ATP6V1C2: variants seen among roughly 807,000 people sequenced by gnomAD.
The protein encoded by ATP6V1C2 is ATPase H+ transporting V1 subunit C2.
A neutral mutation model predicts 56.8 loss-of-function variants in ATP6V1C2; 45 were observed. That is an observed-to-expected ratio of 0.79 (90% confidence interval 0.62 to 1.02). The LOEUF is 1.02. ATP6V1C2 is among the 50% of genes least tolerant of loss of function. ATP6V1C2 has a pLI of 0.00. For missense variants in ATP6V1C2, 463 were observed against 519.7 expected (o/e 0.89, Z 1.06); for synonymous variants, 220 against 201.3 (o/e 1.09, Z -0.79).
At chr2:10,728,429 CATTTT>C (rs1661763443) in intron 3 of ATP6V1C2, among the ~76,000 whole-genome samples, 1 of 152,108 alleles carries the variant, frequency 6.6e-6, no homozygotes, top group African/African-American at 2.4e-5. Flanking sequence ...CTGCATCTTG[CATTTT>C]AGTTAAATAA....
chr2:10,729,409 T>G (rs940296845), intron 3 of ATP6V1C2, among the ~76,000 whole-genome samples: 2 of 152,044 alleles, frequency 1.3e-5, no homozygotes, highest in Non-Finnish European at 2.9e-5. Flanking sequence ...AGTGATTCAT[T>G]GGAAAGCATT....
chr2:10,777,330 A>AC lies in ATP6V1C2; in HGVS notation c.826-251dup, dbSNP rs1432711717. Among the ~76,000 whole-genome samples, 3 of 152,028 alleles carry AC rather than the reference A, an allele frequency of 2.0e-5. No homozygotes were observed. In the East Asian group the frequency reaches 5.8e-4, roughly 30 times the overall value. ...AGCAAGGGGAGGGAGCTCAGGGCTG[A>AC]CCCCTCTGCCAGAGATCGGCTCTGT... On this transcript the variant is annotated intron_variant, in intron 10 of 13. Transcript: ENST00000272238.
intron 3 of ATP6V1C2, among the ~76,000 whole-genome samples, chr2:10,734,216 A>G (rs1662131997): frequency 6.6e-6 from 1 of 151,832 alleles, no homozygotes. Flanking sequence ...GGCTGTTCCA[A>G]GCCTCTTCAC....
rs751055694 is a variant in ATP6V1C2 at position 10,723,865 on chromosome 2, CAT to C, written c.129+888_129+889del. The stretch of plus-strand genomic sequence containing the variant: ...AAAAAAAAAAAAAAAAAGAATGAGA[CAT>C]GTGCAATTTTTTTCCCCCCGAGTAG... On this transcript the variant is annotated intron_variant, in intron 2 of 13. Transcript: ENST00000272238. Among the ~76,000 whole-genome samples the C allele has an allele frequency of 3.2e-3, 419 of 130,768 alleles. 3 individuals are homozygous for C. Among genetic ancestry groups the C allele is most frequent in the Admixed American group, 5.3e-3 (63 of 11,974 alleles). The allele number at this position is 130,768 out of a possible 152,430, so 85.8% of individuals were successfully genotyped here.
intron 10 of ATP6V1C2, among the ~76,000 whole-genome samples, chr2:10,776,615 C>G (rs1665006231): frequency 6.6e-6 from 1 of 152,242 alleles, no homozygotes; most frequent in Non-Finnish European, 1.5e-5. Context: ...TTTTTCCCAG[C>G]TCGATTCAGT....
Position 10,771,825 on chromosome 2 carries a change from C to T in ATP6V1C2, c.471-14C>T, listed in dbSNP as rs749517825. On this transcript the variant is annotated splice_polypyrimidine_tract_variant and intron_variant, in intron 6 of 13. Transcript: ENST00000272238. ...CTCACATCTTTCACACCCTTTGTTC[C>T]ACCTGCCTTTTAGGGGGAACCTCTT... 2 of 1,607,116 alleles carry T rather than the reference C, an allele frequency of 1.2e-6. No individual in the cohort carries two copies. Among genetic ancestry groups the T allele is most frequent in the Non-Finnish European group, 1.7e-6 (2 of 1,173,654 alleles).
At position 10,778,724 on chromosome 2, in the gene ATP6V1C2, G is replaced by T. The variant is rs1356033915; in HGVS notation, c.1061+55G>T. ...TGTCCTGAGGATGGGCAGGGTCTGGGGGAGCTATCGGGGCACCCCAGCTCC... is the reference window on the plus strand; with the variant it reads ...TGTCCTGAGGATGGGCAGGGTCTGGTGGAGCTATCGGGGCACCCCAGCTCC... On this transcript the variant is annotated intron_variant, in intron 12 of 13. Coordinates refer to ENST00000272238, the MANE Select transcript of ATP6V1C2 (RefSeq NM_001039362.2). 2.6e-6 allele frequency: 4 copies of T among 1,550,112 alleles called. No homozygotes were observed. In the Admixed American group the frequency reaches 6.7e-5, roughly 26 times the overall value.
In ATP6V1C2 at chr2:10,785,094, A is replaced by G; in HGVS notation, c.*1831A>G. 1 of 1,111,456 alleles carries G rather than the reference A, an allele frequency of 9.0e-7. No homozygotes were observed. The highest frequency in any genetic ancestry group is 1.3e-6 in the Non-Finnish European group (1 of 747,924). 68.8% of individuals were successfully genotyped at this position (1,111,456 alleles called of 1,614,324 possible). On this transcript the variant is annotated 3_prime_UTR_variant, in exon 14 of 14. Transcript: ENST00000272238. ...AATGGACTGCTGGTGCAGAAGAATA[A>G]ACAACTTTAAAAATAACAGTCTGCC...
intron 4 of ATP6V1C2, among the ~76,000 whole-genome samples, chr2:10,756,858 TCTC>T (rs1305310312): frequency 2.0e-5 from 3 of 152,188 alleles, no homozygotes; most frequent in Middle Eastern, 3.4e-3. Context: ...GTGACAAAAA[TCTC>T]CTAATGACAC....
At chr2:10,772,491 C>T in intron 7 of ATP6V1C2, 51 bp from the exon 8 acceptor site, 2 of 1,501,080 alleles carry the variant, frequency 1.3e-6, no homozygotes, top group Non-Finnish European at 1.9e-6. Flanking sequence ...ACTCAGGACA[C>T]CCACGAGCCT....
intron 12 of ATP6V1C2, 91 bp downstream of exon 12, chr2:10,778,760 C>T (rs1665161091): frequency 8.4e-7 from 1 of 1,184,308 alleles, no homozygotes. Context: ...TGCCTTCTCT[C>T]CATCCTCCAC....
chr2:10,741,479 T>TG (rs940603101), intron 3 of ATP6V1C2, among the ~76,000 whole-genome samples: 1 of 151,834 alleles, frequency 6.6e-6, no homozygotes, highest in African/African-American at 2.4e-5. Context: ...CTCTCAGGTG[T>TG]GGGGGCCCCT....
intron 5 of ATP6V1C2, among the ~76,000 whole-genome samples, chr2:10,764,631 G>A (rs1476765768): frequency 3.3e-5 from 5 of 152,180 alleles, no homozygotes; most frequent in East Asian, 1.9e-4. Context: ...GCCTCCCCTC[G>A]AGGGCCCAGC....
At position 10,784,937 on chromosome 2, in the gene ATP6V1C2, G is replaced by A. The variant is rs774257550; in HGVS notation, c.*1674G>A. ...AGCTTCCCTCCCGGGCACTCACCTCGCCATCCCTGCCGTCCCAAGGCTCTC... is the reference window on the plus strand; with the variant it reads ...AGCTTCCCTCCCGGGCACTCACCTCACCATCCCTGCCGTCCCAAGGCTCTC... On this transcript the variant is annotated 3_prime_UTR_variant, in exon 14 of 14. Coordinates refer to ENST00000272238, the MANE Select transcript of ATP6V1C2 (RefSeq NM_001039362.2). 2.8e-5 allele frequency: 44 copies of A among 1,578,186 alleles called. No homozygotes were observed. The highest frequency in any genetic ancestry group is 3.0e-5 in the Non-Finnish European group (35 of 1,159,696).
At chr2:10,772,354 C>T (rs1664673389) in intron 7 of ATP6V1C2, among the ~76,000 whole-genome samples, 188 bp from the exon 8 acceptor site, 1 of 152,122 alleles carries the variant, frequency 6.6e-6, no homozygotes, top group South Asian at 2.1e-4. Context: ...TCTGTGGGTA[C>T]CCTGTGGAGG....
rs73914834 is a variant in ATP6V1C2, at chr2:10,760,579, G to T, written c.284-3752G>T. On this transcript the variant is annotated intron_variant, in intron 4 of 13. Coordinates refer to ENST00000272238, the MANE Select transcript of ATP6V1C2 (RefSeq NM_001039362.2). ...CAGAGGCTTCTGGAGGCCCCTGCAG[G>T]GAGACATAATCTCAGACTTCCCTGA... is the stretch of plus-strand genomic sequence containing the variant. Among the ~76,000 whole-genome samples the T allele has an allele frequency of 8.3e-3, 1,264 of 152,284 alleles. 13 individuals are homozygous for T. Among genetic ancestry groups the T allele is most frequent in the African/African-American group, 0.029 (1,191 of 41,550 alleles).
At chr2:10,746,231 C>T (rs2148445376) in intron 3 of ATP6V1C2, among the ~76,000 whole-genome samples, 1 of 152,282 alleles carries the variant, frequency 6.6e-6, no homozygotes, top group South Asian at 2.1e-4. Context: ...AACTCCTGAC[C>T]TCAAGTGATC....
chr2:10,764,125 G>A (rs1293212474), intron 4 of ATP6V1C2, among the ~76,000 whole-genome samples: 1 of 152,164 alleles, frequency 6.6e-6, no homozygotes, highest in Non-Finnish European at 1.5e-5. Flanking sequence ...AAACTGTCTA[G>A]TGCTTGGGCT....
rs148570411 is a variant in ATP6V1C2 at position 10,762,846 on chromosome 2, C to G, written c.284-1485C>G. ...TCGGTCCTCCCCTGTCCTCCTCTCC[C>G]CTCCCAGGGCTCCTCCCACTCCTCT... is the stretch of plus-strand genomic sequence containing the variant. On this transcript the variant is annotated intron_variant, in intron 4 of 13. Coordinates refer to ENST00000272238, the MANE Select transcript of ATP6V1C2 (RefSeq NM_001039362.2). 7.9e-3 allele frequency among the ~76,000 whole-genome samples: 1,209 copies of G among 152,272 alleles called. 16 individuals carry two copies. Among genetic ancestry groups the G allele is most frequent in the African/African-American group, 0.027 (1,140 of 41,552 alleles).
Sources: allele counts gnomAD v4.1 joint callset (sites outside exome capture counted in the v4.1 genomes callset), GRCh38; gene constraint gnomAD v4.1.1; transcripts MANE v1.5; gene names NCBI Gene and HGNC (gene_info 2026-07-23, HGNC 2026-07-21).